CDC42SE2: variants seen among roughly 807,000 people sequenced by gnomAD.
CDC42SE2 encodes the protein CDC42 small effector protein 2.
A neutral mutation model predicts 11.5 loss-of-function variants in CDC42SE2; 3 were observed. The observed-to-expected ratio is 0.26, with a 90% CI of 0.12 to 0.67. CDC42SE2 has a LOEUF of 0.67. Ranked by LOEUF, CDC42SE2 falls within the 30% of genes least tolerant of loss-of-function variation. CDC42SE2 has a pLI of 0.80. For missense variants in CDC42SE2, 82 were observed against 106.8 expected (o/e 0.77, Z 1.02); for synonymous variants, 33 against 34.8 (o/e 0.95, Z 0.18).
intron 4 of CDC42SE2, among the ~76,000 whole-genome samples, chr5:131,390,750 A>AACTG (rs1291296356): frequency 6.6e-6 from 1 of 152,176 alleles, no homozygotes; most frequent in African/African-American, 2.4e-5. Context: ...TGAATTACAA[A>AACTG]ACTGACTTTT....
At chr5:131,305,332 T>G (rs1443373715) in intron 1 of CDC42SE2, among the ~76,000 whole-genome samples, 1 of 152,216 alleles carries the variant, frequency 6.6e-6, no homozygotes. Flanking sequence ...GAGCAAAGAA[T>G]GGTACATGAA....
the CDC42SE2 span, among the ~76,000 whole-genome samples, chr5:131,227,847 C>G: frequency 6.6e-6 from 1 of 152,178 alleles, no homozygotes; most frequent in Non-Finnish European, 1.5e-5. Context: ...GAGTTTGAGA[C>G]CTGCCTGGGC....
chr5:131,355,611 C>A (rs562374564), intron 2 of CDC42SE2, among the ~76,000 whole-genome samples: 1 of 152,244 alleles, frequency 6.6e-6, no homozygotes, highest in South Asian at 2.1e-4. Flanking sequence ...TGTCACAGAT[C>A]TTTTATTTCA....
intron 2 of CDC42SE2, among the ~76,000 whole-genome samples, chr5:131,342,125 C>T (rs1169146351): frequency 6.6e-6 from 1 of 150,876 alleles, no homozygotes; most frequent in African/African-American, 2.4e-5. Flanking sequence ...ACCAAAAATA[C>T]AAAAATTAGC....
intron 1 of CDC42SE2, among the ~76,000 whole-genome samples, chr5:131,280,479 T>C (rs1224780475): frequency 2.0e-5 from 3 of 152,208 alleles, no homozygotes; most frequent in African/African-American, 7.2e-5. Context: ...TATTGGAAAG[T>C]GAAAATTCTG....
the CDC42SE2 span, among the ~76,000 whole-genome samples, chr5:131,225,454 C>G: frequency 2.6e-5 from 4 of 152,188 alleles, no homozygotes; most frequent in African/African-American, 9.7e-5. Context: ...AACACAGAGG[C>G]TAATCCTGTG....
chr5:131,330,642 G>C (rs940224924), intron 2 of CDC42SE2, among the ~76,000 whole-genome samples: 1 of 152,118 alleles, frequency 6.6e-6, no homozygotes, highest in Non-Finnish European at 1.5e-5. Context: ...AAGGGGTACT[G>C]TTCGTGTCTA....
At chr5:131,283,321 T>C (rs1344672840) in intron 1 of CDC42SE2, among the ~76,000 whole-genome samples, 3 of 152,212 alleles carry the variant, frequency 2.0e-5, no homozygotes, top group African/African-American at 7.2e-5. Context: ...GTCATTTCTG[T>C]TCTTCCCTCC....
At chr5:131,365,294 CA>C (rs1237089766) in intron 3 of CDC42SE2, among the ~76,000 whole-genome samples, 152 of 132,854 alleles carry the variant, frequency 1.1e-3, no homozygotes, top group Middle Eastern at 4.0e-3. Flanking sequence ...GACTCTGTCT[CA>C]AAAAAAAAAA....
At chr5:131,288,149 C>G (rs564780211) in intron 1 of CDC42SE2, among the ~76,000 whole-genome samples, 1 of 151,298 alleles carries the variant, frequency 6.6e-6, no homozygotes, top group Non-Finnish European at 1.5e-5. Context: ...GCTTAAGCCC[C>G]GGAGGTTGAG....
chr5:131,349,403 C>A (rs867353213), intron 2 of CDC42SE2, among the ~76,000 whole-genome samples: 6 of 151,956 alleles, frequency 3.9e-5, no homozygotes, highest in East Asian at 1.9e-4. Context: ...GATGAGTTAA[C>A]GAGTGCAGCA....
intron 2 of CDC42SE2, among the ~76,000 whole-genome samples, chr5:131,324,705 AG>A (rs1418470329): frequency 6.6e-6 from 1 of 152,180 alleles, no homozygotes; most frequent in African/African-American, 2.4e-5. Context: ...AAAGTCCAAA[AG>A]CTCATAAGCT....
intron 2 of CDC42SE2, among the ~76,000 whole-genome samples, chr5:131,329,215 G>A (rs886464090): frequency 2.6e-5 from 4 of 152,186 alleles, no homozygotes; most frequent in African/African-American, 9.7e-5. Flanking sequence ...ATCTTAAAGA[G>A]CTTTTAGCAT....
intron 1 of CDC42SE2, among the ~76,000 whole-genome samples, chr5:131,282,563 G>A (rs1365701149): frequency 6.6e-6 from 1 of 151,932 alleles, no homozygotes; most frequent in East Asian, 1.9e-4. Context: ...TCTTTGGGGG[G>A]AGAGGAGGTT....
chr5:131,388,591 C>T (rs1486385474), intron 4 of CDC42SE2, among the ~76,000 whole-genome samples: 1 of 152,156 alleles, frequency 6.6e-6, no homozygotes, highest in East Asian at 1.9e-4. Flanking sequence ...TTCTACTACC[C>T]TCTTTCCAGA....
chr5:131,276,978 G>A (rs6892745), intron 1 of CDC42SE2, among the ~76,000 whole-genome samples: 5,224 of 152,074 alleles, frequency 0.034, 305 homozygotes, highest in African/African-American at 0.12. Context: ...GACCTCAGAT[G>A]ATCCGCCCAC....
intron 2 of CDC42SE2, among the ~76,000 whole-genome samples, chr5:131,337,665 A>G (rs984379229): frequency 6.6e-6 from 1 of 152,210 alleles, no homozygotes; most frequent in Non-Finnish European, 1.5e-5. Context: ...AGCCTGAGCA[A>G]TGGCGGGCAC....
rs1750725587 is a variant in CDC42SE2, at chr5:131,393,385, G to GT, written c.*2298dup. On this transcript the variant is annotated 3_prime_UTR_variant, in exon 5 of 5. Coordinates refer to ENST00000505065, the MANE Select transcript of CDC42SE2 (RefSeq NM_001375635.1). Reference sequence around the variant, plus strand: ...GATTACTTGATCTTTGTATTTTGCAGTTTTGAGCCTTTGTGTCAATCCCAA... The same window carrying GT: ...GATTACTTGATCTTTGTATTTTGCAGTTTTTGAGCCTTTGTGTCAATCCCAA... 6.6e-6 allele frequency: 1 copy of GT among 152,346 alleles called. No individual in the cohort carries two copies. Among genetic ancestry groups the GT allele is most frequent in the Non-Finnish European group, 1.5e-5 (1 of 68,024 alleles). 9.4% of individuals were successfully genotyped at this position (152,346 alleles called of 1,614,324 possible).
chr5:131,239,298 G>A, the CDC42SE2 span, among the ~76,000 whole-genome samples: 5 of 151,282 alleles, frequency 3.3e-5, no homozygotes, highest in South Asian at 2.1e-4. Flanking sequence ...CTGACTGGGC[G>A]TGGCAGCTTA....
Sources: allele counts gnomAD v4.1 joint callset (sites outside exome capture counted in the v4.1 genomes callset), GRCh38; gene constraint gnomAD v4.1.1; transcripts MANE v1.5; gene names NCBI Gene and HGNC (gene_info 2026-07-23, HGNC 2026-07-21).